The following SSBP3 variants were observed in gnomAD, a reference collection of about 807,000 sequenced individuals.
SSBP3 encodes the protein single-stranded DNA-binding protein 3.
Under a neutral mutation model 69.6 loss-of-function variants are expected in SSBP3, and 5 were observed. That is an observed-to-expected ratio of 0.07 (90% confidence interval 0.04 to 0.15). The LOEUF (loss-of-function observed/expected upper bound fraction) is 0.15. SSBP3 is among the 10% of genes least tolerant of loss of function. SSBP3 has a pLI of 1.00. For missense variants in SSBP3, 312 were observed against 534.0 expected (o/e 0.58, Z 4.10); for synonymous variants, 196 against 193.4 (o/e 1.01, Z -0.11).
At chr1:54,273,937 C>T (rs1368276847) in intron 5 of SSBP3, among the ~76,000 whole-genome samples, 1 of 152,224 alleles carries the variant, frequency 6.6e-6, no homozygotes, top group Non-Finnish European at 1.5e-5. Flanking sequence ...AGTTGGGGCG[C>T]CCCACCTCCT....
At chr1:54,392,254 G>A (rs1648553349) in intron 4 of SSBP3, among the ~76,000 whole-genome samples, 1 of 152,148 alleles carries the variant, frequency 6.6e-6, no homozygotes, top group African/African-American at 2.4e-5. Flanking sequence ...TCTAAGGTAT[G>A]GATCATTTCC....
At chr1:54,252,519 G>A (rs923841463) in intron 7 of SSBP3, among the ~76,000 whole-genome samples, 2 of 26,304 alleles carry the variant, frequency 7.6e-5, no homozygotes, top group African/African-American at 2.7e-4. Flanking sequence ...GCCCCGGGGC[G>A]GGACAGGTGG....
chr1:54,257,200 TA>T lies in SSBP3; in HGVS notation c.448-15del, dbSNP rs1198685338. 1.9e-6 allele frequency: 3 copies of T among 1,589,890 alleles called. No homozygotes were observed. The Admixed American group carries it at 5.5e-5, about 29-fold the overall frequency. On this transcript the variant is annotated splice_polypyrimidine_tract_variant and intron_variant, in intron 6 of 17. Coordinates refer to ENST00000610401, the Ensembl canonical transcript of SSBP3. ...TGACATAAAAGGCTGCAATTATAGG[TA>T]ATTAGTTCAATGACAGCCTGCCCTA...
intron 14 of SSBP3, among the ~76,000 whole-genome samples, chr1:54,232,243 CCT>C (rs1426934760): frequency 8.5e-5 from 13 of 152,132 alleles, no homozygotes; most frequent in African/African-American, 2.4e-4. Context: ...ACGTTTCTGT[CCT>C]CTGATACAGA....
intron 1 of SSBP3, 115 bp from the exon 2 acceptor site, chr1:54,405,045 C>G: frequency 1.1e-6 from 1 of 925,098 alleles, no homozygotes. Flanking sequence ...CATTGTGGCC[C>G]CGACCAGAGG....
chr1:54,397,267 T>C (rs1411363485), intron 4 of SSBP3, among the ~76,000 whole-genome samples: 1 of 152,104 alleles, frequency 6.6e-6, no homozygotes, highest in East Asian at 1.9e-4. Flanking sequence ...ACTGCCACCC[T>C]CTTGTCCCCC....
chr1:54,273,415 C>T (rs547575633), intron 5 of SSBP3, among the ~76,000 whole-genome samples: 17 of 152,190 alleles, frequency 1.1e-4, no homozygotes, highest in Non-Finnish European at 1.6e-4. Context: ...CTGAGCCAGC[C>T]GCCGCCGAGG....
chr1:54,227,264 G>A, intron 17 of SSBP3, 104 bp from the exon 18 acceptor site: 2 of 748,774 alleles, frequency 2.7e-6, no homozygotes, highest in East Asian at 2.5e-5. Flanking sequence ...ACTGAGCAGG[G>A]CTCATTTGGG....
chr1:54,234,770 A>G (rs1644457121), intron 14 of SSBP3, among the ~76,000 whole-genome samples: 1 of 149,548 alleles, frequency 6.7e-6, no homozygotes, highest in East Asian at 1.9e-4. Context: ...TTATAAAAGA[A>G]AAAAAAAAAA....
chr1:54,336,950 G>A (rs959643845), intron 4 of SSBP3, among the ~76,000 whole-genome samples: 3 of 152,190 alleles, frequency 2.0e-5, no homozygotes, highest in Non-Finnish European at 2.9e-5. Flanking sequence ...GGGAGGTCCC[G>A]CGCAGAATCT....
At chr1:54,316,677 T>A (rs142228486) in intron 4 of SSBP3, among the ~76,000 whole-genome samples, 9,545 of 95,822 alleles carry the variant, frequency 0.1, 1,272 homozygotes, top group East Asian at 0.29. Context: ...AATAAATAAA[T>A]AAATAAATAA....
chr1:54,238,363 A>G (rs1344762290), intron 14 of SSBP3: 1 of 468,862 alleles, frequency 2.1e-6, no homozygotes, highest in Non-Finnish European at 4.4e-6. Flanking sequence ...TCCTTTTCAG[A>G]CCCTGAGCTC....
intron 4 of SSBP3, among the ~76,000 whole-genome samples, chr1:54,289,944 T>C (rs1645574331): frequency 2.0e-5 from 3 of 152,080 alleles, no homozygotes; most frequent in South Asian, 2.1e-4. Context: ...ACCCAGCTCA[T>C]GGTGTGGCTC....
At chr1:54,370,693 A>G (rs1174916991) in intron 4 of SSBP3, among the ~76,000 whole-genome samples, 2 of 152,156 alleles carry the variant, frequency 1.3e-5, no homozygotes, top group Admixed American at 6.5e-5. Flanking sequence ...ATTGTTCTAC[A>G]AAGTGTCCAG....
intron 4 of SSBP3, among the ~76,000 whole-genome samples, chr1:54,322,733 C>A (rs1489804620): frequency 1.3e-5 from 2 of 152,076 alleles, no homozygotes; most frequent in East Asian, 3.9e-4. Flanking sequence ...ACCCCCCAAC[C>A]CCGGCACCTC....
intron 4 of SSBP3, among the ~76,000 whole-genome samples, chr1:54,300,230 C>A (rs1438214259): frequency 2.0e-5 from 3 of 152,136 alleles, no homozygotes; most frequent in African/African-American, 7.2e-5. Context: ...AGATCAAACC[C>A]AGGAGAGGGC....
At chr1:54,261,384 T>A (rs1354901659) in intron 5 of SSBP3, among the ~76,000 whole-genome samples, 1 of 152,242 alleles carries the variant, frequency 6.6e-6, no homozygotes, top group African/African-American at 2.4e-5. Flanking sequence ...TGTGCTCTTT[T>A]GGATTTGTTA....
At chr1:54,313,082 C>T (rs1315199424) in intron 4 of SSBP3, among the ~76,000 whole-genome samples, 4 of 144,352 alleles carry the variant, frequency 2.8e-5, no homozygotes, top group Admixed American at 7.1e-5. Context: ...AAACAAGCAT[C>T]TGGGGTCGTG....
chr1:54,243,469 C>T, intron 9 of SSBP3, 170 bp from the exon 10 acceptor site: 8 of 732,760 alleles, frequency 1.1e-5, no homozygotes, highest in Non-Finnish European at 1.9e-5. Context: ...AACCAAGTCA[C>T]AGGGACCACA....
Sources: gnomAD v4.1 joint callset for allele counts (sites outside exome capture counted in the v4.1 genomes callset) on GRCh38, gnomAD v4.1.1 for gene constraint, MANE v1.5 for transcripts, NCBI Gene and HGNC (gene_info 2026-07-23, HGNC 2026-07-21) for gene names.